Variants in MEIKIN observed in about 807,000 individuals in gnomAD.
MEIKIN encodes meiosis-specific kinetochore protein.
At chr5:131,928,551 T>G (rs1289803404) in intron 5 of MEIKIN, among the ~76,000 whole-genome samples, 2 of 152,210 alleles carry the variant, frequency 1.3e-5, no homozygotes, top group African/African-American at 4.8e-5. Context: ...CTGCACTTTA[T>G]TCATGTCACA....
At chr5:131,941,691 C>T (rs1751872489) in intron 4 of MEIKIN, among the ~76,000 whole-genome samples, 1 of 152,132 alleles carries the variant, frequency 6.6e-6, no homozygotes, top group African/African-American at 2.4e-5. Flanking sequence ...TATCTCCAGC[C>T]TTTCATATCC....
intron 5 of MEIKIN, among the ~76,000 whole-genome samples, chr5:131,932,853 T>G (rs1363995101): frequency 6.6e-6 from 1 of 152,208 alleles, no homozygotes; most frequent in Non-Finnish European, 1.5e-5. Flanking sequence ...AGCTTTTCTG[T>G]GACACTATAG....
rs560378502 is a variant in MEIKIN, at chr5:131,891,024, G to A, written c.704-11976C>T. On this transcript the variant is annotated intron_variant, in intron 8 of 12. Transcript: ENST00000442687. Reference sequence around the variant, plus strand: ...TGTTCAGTTTCCATGTAGTTGAGCGGTTTTGAGTGAGTTTCTTAACCCTGA... The same window carrying A: ...TGTTCAGTTTCCATGTAGTTGAGCGATTTTGAGTGAGTTTCTTAACCCTGA... Among the ~76,000 whole-genome samples, 8 of 152,312 alleles carry A rather than the reference G, an allele frequency of 5.3e-5. No individual in the cohort carries two copies. The East Asian group carries it at 1.5e-3, about 29-fold the overall frequency.
At chr5:131,915,689 A>G (rs1199539750) in intron 7 of MEIKIN, among the ~76,000 whole-genome samples, 2 of 152,258 alleles carry the variant, frequency 1.3e-5, no homozygotes, top group African/African-American at 4.8e-5. Context: ...TTACCCAAAG[A>G]GGACTTCTAA....
intron 8 of MEIKIN, among the ~76,000 whole-genome samples, chr5:131,894,503 T>C (rs936084864): frequency 2.0e-5 from 3 of 152,268 alleles, no homozygotes; most frequent in Admixed American, 2.0e-4. Flanking sequence ...ATGGCCATTT[T>C]CATGATATTG....
intron 9 of MEIKIN, among the ~76,000 whole-genome samples, chr5:131,875,680 T>A (rs2149627165): frequency 6.6e-6 from 1 of 152,272 alleles, no homozygotes; most frequent in African/African-American, 2.4e-5. Flanking sequence ...AGAGCCCGCA[T>A]CGCCAAGTCA....
chr5:131,926,524 A>G (rs955752119), intron 5 of MEIKIN, among the ~76,000 whole-genome samples: 3 of 152,158 alleles, frequency 2.0e-5, no homozygotes, highest in African/African-American at 2.4e-5. Context: ...ACCTCGCTTT[A>G]GTATGAGGGT....
At chr5:131,937,550 C>T (rs1227585898) in intron 4 of MEIKIN, among the ~76,000 whole-genome samples, 11 of 152,056 alleles carry the variant, frequency 7.2e-5, no homozygotes, top group Non-Finnish European at 1.3e-4. Flanking sequence ...ACCTTTCCCC[C>T]GAGAAAGGCT....
At chr5:131,817,349 C>T (rs565272431) in intron 12 of MEIKIN, among the ~76,000 whole-genome samples, 2 of 152,218 alleles carry the variant, frequency 1.3e-5, no homozygotes, top group Admixed American at 6.5e-5. Flanking sequence ...CGGTGGCTCA[C>T]GCCTGTAATC....
chr5:131,875,559 G>A (rs1353411362), intron 9 of MEIKIN, among the ~76,000 whole-genome samples: 1 of 152,024 alleles, frequency 6.6e-6, no homozygotes, highest in African/African-American at 2.4e-5. Flanking sequence ...CGTGAAAATG[G>A]CCATACTGCC....
At chr5:131,858,359 T>C (rs971118627) in intron 9 of MEIKIN, among the ~76,000 whole-genome samples, 1 of 152,112 alleles carries the variant, frequency 6.6e-6, no homozygotes, top group African/African-American at 2.4e-5. Flanking sequence ...ATTCAAGAAA[T>C]GGTGCTGGGA....
intron 8 of MEIKIN, among the ~76,000 whole-genome samples, chr5:131,902,010 T>C (rs1751165319): frequency 6.6e-6 from 1 of 152,168 alleles, no homozygotes; most frequent in African/African-American, 2.4e-5. Context: ...GCTGTTATCA[T>C]GATAGTGAGT....
At chr5:131,872,478 CCAAGAA>C in intron 9 of MEIKIN, among the ~76,000 whole-genome samples, 2 of 152,268 alleles carry the variant, frequency 1.3e-5, no homozygotes, top group South Asian at 4.2e-4. Context: ...AACAAGGCTT[CCAAGAA>C]ATATGTGACT....
intron 9 of MEIKIN, among the ~76,000 whole-genome samples, chr5:131,872,193 C>T (rs1186214935): frequency 3.9e-5 from 6 of 152,134 alleles, no homozygotes; most frequent in Non-Finnish European, 8.8e-5. Context: ...GATGATCAAA[C>T]TACTCCGAGC....
intron 11 of MEIKIN, among the ~76,000 whole-genome samples, chr5:131,841,459 C>T (rs924648577): frequency 1.8e-4 from 27 of 152,174 alleles, no homozygotes; most frequent in Non-Finnish European, 3.1e-4. Flanking sequence ...TGTTTCTATA[C>T]CAGTACCATA....
chr5:131,871,415 G>C (rs1047726259), intron 9 of MEIKIN, among the ~76,000 whole-genome samples: 2 of 152,222 alleles, frequency 1.3e-5, no homozygotes, highest in Non-Finnish European at 2.9e-5. Flanking sequence ...ATAGCAGACT[G>C]AGATCAAACT....
At chr5:131,892,530 G>A (rs1030612782) in intron 8 of MEIKIN, among the ~76,000 whole-genome samples, 18 of 152,086 alleles carry the variant, frequency 1.2e-4, no homozygotes, top group African/African-American at 3.6e-4. Context: ...TTATGCATTC[G>A]TCACGTAGTT....
At chr5:131,851,901 T>A (rs764824497) in intron 10 of MEIKIN, among the ~76,000 whole-genome samples, 4 of 152,334 alleles carry the variant, frequency 2.6e-5, no homozygotes, top group African/African-American at 4.8e-5. Context: ...TATTTTGGTA[T>A]CTTTGAGAAG....
At chr5:131,914,441 C>A (rs1751380103) in intron 7 of MEIKIN, among the ~76,000 whole-genome samples, 1 of 128,514 alleles carries the variant, frequency 7.8e-6, no homozygotes, top group African/African-American at 3.0e-5. Flanking sequence ...GAAGGATGGA[C>A]AGACAGATGG....
Sources: allele counts gnomAD v4.1 joint callset (sites outside exome capture counted in the v4.1 genomes callset), GRCh38; gene constraint gnomAD v4.1.1; transcripts MANE v1.5; gene names NCBI Gene and HGNC (gene_info 2026-07-23, HGNC 2026-07-21).